LMO7: variants seen among roughly 807,000 people sequenced by gnomAD.
The protein encoded by LMO7 is LIM domain 7, also known as LIM domain only protein 7.
Under a neutral mutation model 206.5 loss-of-function variants are expected in LMO7, and 120 were observed. The observed-to-expected ratio is 0.58, with a 90% CI of 0.50 to 0.68. LMO7 has a LOEUF of 0.68. Among genes scored for constraint, LMO7 ranks in the 30% least tolerant of loss-of-function variants. The pLI is 0.00. For missense variants in LMO7, 1,959 were observed against 1,957.9 expected, an observed-to-expected ratio of 1.00 and a Z score of -0.01; for synonymous variants, 706 against 681.5, an observed-to-expected ratio of 1.04 and a Z score of -0.56.
intron 2 of LMO7, among the ~76,000 whole-genome samples, chr13:75,717,362 CAAA>C (rs55749528): frequency 5.5e-5 from 5 of 90,794 alleles, no homozygotes; most frequent in Non-Finnish European, 8.9e-5. Context: ...GACTCCGTCT[CAAA>C]AAAAAAAAAA....
chr13:75,641,219 A>G (rs566164180), intron 1 of LMO7, among the ~76,000 whole-genome samples: 1 of 152,338 alleles, frequency 6.6e-6, no homozygotes, highest in African/African-American at 2.4e-5. Context: ...CACACAGAGA[A>G]GGCAGCATTT....
At chr13:75,755,069 C>T (rs1254277295) in intron 3 of LMO7, among the ~76,000 whole-genome samples, 2 of 152,142 alleles carry the variant, frequency 1.3e-5, no homozygotes, top group Admixed American at 1.3e-4. Flanking sequence ...GGCATTCCAA[C>T]ACTGAAGGGT....
intron 4 of LMO7, among the ~76,000 whole-genome samples, chr13:75,776,172 T>TATATATATATATATCGG (rs1566433719): frequency 4.2e-5 from 2 of 47,164 alleles, no homozygotes; most frequent in African/African-American, 1.0e-4. Flanking sequence ...GATATATATA[T>TATATATATATATATCGG]ATATATATAT....
intron 3 of LMO7, among the ~76,000 whole-genome samples, chr13:75,730,264 C>T (rs9573643): frequency 2.6e-5 from 4 of 151,958 alleles, no homozygotes; most frequent in Non-Finnish European, 4.4e-5. Flanking sequence ...GTCCTGGACT[C>T]TTTTTGGTTG....
chr13:75,637,369 C>G (rs2036043441), intron 1 of LMO7, among the ~76,000 whole-genome samples: 1 of 152,170 alleles, frequency 6.6e-6, no homozygotes, highest in South Asian at 2.1e-4. Context: ...CTGTTACCCT[C>G]CCAGCTGTGC....
At chr13:75,699,877 G>T (rs542997921) in intron 1 of LMO7, among the ~76,000 whole-genome samples, 1 of 152,344 alleles carries the variant, frequency 6.6e-6, no homozygotes, top group South Asian at 2.1e-4. Flanking sequence ...TGGGGGCGCT[G>T]CAGGAGACCA....
chr13:75,726,907 T>C, intron 2 of LMO7, 122 bp from the exon 3 acceptor site: 1 of 665,828 alleles, frequency 1.5e-6, no homozygotes, highest in Non-Finnish European at 2.7e-6. Flanking sequence ...TTTGATGGGC[T>C]GTTGGCTCTC....
chr13:75,663,129 T>C (rs1177580087), intron 1 of LMO7, among the ~76,000 whole-genome samples: 1 of 152,048 alleles, frequency 6.6e-6, no homozygotes, highest in Non-Finnish European at 1.5e-5. Context: ...TATAAGTTTT[T>C]TTTTTTACTA....
At chr13:75,782,771 C>T (rs1438464730) in intron 4 of LMO7, among the ~76,000 whole-genome samples, 1 of 152,188 alleles carries the variant, frequency 6.6e-6, no homozygotes, top group Non-Finnish European at 1.5e-5. Flanking sequence ...CCAATCTCTG[C>T]CTCTGTGGTC....
rs181172931 is a variant in LMO7, at chr13:75,741,447, A to C, written c.210+14349A>C. Among the ~76,000 whole-genome samples, 3 of 152,376 alleles carry C rather than the reference A, an allele frequency of 2.0e-5. No individual in the cohort carries two copies. The East Asian group carries it at 5.8e-4, about 29-fold the overall frequency. ...TGTTTTCAAAAGGAAACTCCTGGCC[A>C]TTGTCCTTGATGAACATCGATGCAA... On this transcript the variant is annotated intron_variant, in intron 3 of 30. Coordinates refer to ENST00000377534, the MANE Select transcript of LMO7 (RefSeq NM_001306080.2).
intron 2 of LMO7, among the ~76,000 whole-genome samples, chr13:75,726,814 A>G (rs1266559346): frequency 7.2e-5 from 11 of 152,092 alleles, no homozygotes; most frequent in Non-Finnish European, 2.9e-5. Flanking sequence ...CTCCACATAA[A>G]GGATATAGAC....
At chr13:75,623,373 T>C in intron 2 of LMO7, 1 of 1,022,106 alleles carries the variant, frequency 9.8e-7, no homozygotes. Flanking sequence ...AAAGCATTTT[T>C]TTCTTTTTGA....
At chr13:75,763,301 T>G (rs890831635) in intron 4 of LMO7, among the ~76,000 whole-genome samples, 1 of 152,156 alleles carries the variant, frequency 6.6e-6, no homozygotes, top group Non-Finnish European at 1.5e-5. Flanking sequence ...CTACTCCAAA[T>G]ATTAATAGTA....
chr13:75,765,032 G>A (rs981970234), intron 4 of LMO7, among the ~76,000 whole-genome samples: 1 of 152,076 alleles, frequency 6.6e-6, no homozygotes, highest in Non-Finnish European at 1.5e-5. Context: ...ATGAAAATTA[G>A]TGTTAACATA....
At chr13:75,803,112 A>G (rs1378189512) in intron 7 of LMO7, among the ~76,000 whole-genome samples, 1 of 152,202 alleles carries the variant, frequency 6.6e-6, no homozygotes, top group African/African-American at 2.4e-5. Context: ...GGTGGTAAAA[A>G]GAAAGCACCA....
chr13:75,843,619 C>T (rs1048194177), intron 25 of LMO7, among the ~76,000 whole-genome samples: 5 of 152,110 alleles, frequency 3.3e-5, no homozygotes, highest in Non-Finnish European at 7.4e-5. Context: ...AACTACTGGT[C>T]AGTTTTGGGG....
rs139261575 is a variant in LMO7 at position 75,714,922 on chromosome 13, A to G, written c.140+1670A>G. 4.9e-3 allele frequency among the ~76,000 whole-genome samples: 746 copies of G among 152,110 alleles called. 2 individuals carry two copies. Among genetic ancestry groups the G allele is most frequent in the African/African-American group, 0.016 (655 of 41,524 alleles). ...AAAAGCCATCAACCATACACCCCACAAGTCTAAATAGGAATTGGGTAGGTT... is the reference window on the plus strand; with the variant it reads ...AAAAGCCATCAACCATACACCCCACGAGTCTAAATAGGAATTGGGTAGGTT... On this transcript the variant is annotated intron_variant, in intron 2 of 30. Transcript: ENST00000377534.
intron 1 of LMO7, among the ~76,000 whole-genome samples, chr13:75,706,688 A>G (rs923217024): frequency 6.6e-6 from 1 of 152,200 alleles, no homozygotes; most frequent in Non-Finnish European, 1.5e-5. Flanking sequence ...TTATTTACTG[A>G]TCTACCTTCT....
intron 15 of LMO7, among the ~76,000 whole-genome samples, chr13:75,827,759 C>A (rs1250067620): frequency 6.6e-6 from 1 of 151,804 alleles, no homozygotes; most frequent in Admixed American, 6.6e-5. Context: ...TGTTTTTAAA[C>A]CCTCTACAAA....
Sources: gnomAD v4.1 joint callset for allele counts (sites outside exome capture counted in the v4.1 genomes callset) on GRCh38, gnomAD v4.1.1 for gene constraint, MANE v1.5 for transcripts, NCBI Gene and HGNC (gene_info 2026-07-23, HGNC 2026-07-21) for gene names.